TMEM44: variants seen among roughly 807,000 people sequenced by gnomAD.
TMEM44 encodes transmembrane protein 44.
Under a neutral mutation model 47.8 loss-of-function variants are expected in TMEM44, and 43 were observed. The ratio of observed to expected loss-of-function variants is 0.90; its 90% CI spans 0.70 to 1.16. The LOEUF is 1.16. Ranked by LOEUF, TMEM44 falls within the 50% of genes most tolerant of loss-of-function variation. TMEM44 has a pLI of 0.00. For synonymous variants in TMEM44, 277 were observed against 238.8 expected, an observed-to-expected ratio of 1.16 and a Z score of -1.48; for missense variants, 568 against 555.2, an observed-to-expected ratio of 1.02 and a Z score of -0.23.
At chr3:194,603,990 A>G (rs1046425763) in intron 9 of TMEM44, among the ~76,000 whole-genome samples, 1 of 151,876 alleles carries the variant, frequency 6.6e-6, no homozygotes, top group Non-Finnish European at 1.5e-5. Flanking sequence ...GGTAGCTGGG[A>G]TAACAGGTGG....
At chr3:194,601,866 A>C (rs898797270) in intron 9 of TMEM44, among the ~76,000 whole-genome samples, 2 of 152,194 alleles carry the variant, frequency 1.3e-5, no homozygotes, top group African/African-American at 4.8e-5. Flanking sequence ...CAGATTTCTG[A>C]ATTTTTCAAG....
intron 8 of TMEM44, among the ~76,000 whole-genome samples, chr3:194,606,737 T>C (rs789853): frequency 0.93 from 141,783 of 152,114 alleles, 66,144 homozygotes; most frequent in East Asian, 0.99. Flanking sequence ...GTCAGGAGTT[T>C]GAGAACAGCC....
intron 9 of TMEM44, among the ~76,000 whole-genome samples, chr3:194,602,035 TC>T (rs1320322028): frequency 6.6e-6 from 1 of 152,160 alleles, no homozygotes; most frequent in African/African-American, 2.4e-5. Flanking sequence ...CTCACTCCGG[TC>T]CCCTTTAGCC....
intron 3 of TMEM44, 134 bp from the exon 4 acceptor site, chr3:194,623,829 C>T: frequency 8.7e-7 from 1 of 1,153,610 alleles, no homozygotes; most frequent in Non-Finnish European, 1.2e-6. Context: ...TGCAGGCCAG[C>T]TCCTCCCCAC....
At chr3:194,595,928 G>A (rs1175478021) in intron 9 of TMEM44, among the ~76,000 whole-genome samples, 1 of 151,974 alleles carries the variant, frequency 6.6e-6, no homozygotes, top group Non-Finnish European at 1.5e-5. Flanking sequence ...CCCGGCTGAT[G>A]GTCTGTATTT....
At chr3:194,615,508 C>T in intron 7 of TMEM44, 61 bp downstream of exon 7, 2 of 1,588,948 alleles carry the variant, frequency 1.3e-6, no homozygotes, top group Middle Eastern at 2.0e-4. Flanking sequence ...TGCTGTTTCT[C>T]AAGATACTGT....
chr3:194,626,441 G>A (rs1717188542), intron 2 of TMEM44, among the ~76,000 whole-genome samples: 1 of 152,204 alleles, frequency 6.6e-6, no homozygotes. Flanking sequence ...CTATGGGAAA[G>A]CAAACTACCT....
chr3:194,591,413 G>C (rs1712693638), intron 9 of TMEM44, among the ~76,000 whole-genome samples: 1 of 152,124 alleles, frequency 6.6e-6, no homozygotes, highest in Admixed American at 6.5e-5. Context: ...AGAATCGTTT[G>C]AACCCCGGAG....
intron 9 of TMEM44, among the ~76,000 whole-genome samples, chr3:194,594,101 A>G (rs1200615515): frequency 1.4e-5 from 2 of 146,694 alleles, no homozygotes; most frequent in African/African-American, 5.0e-5. Context: ...CATGAGCCAC[A>G]GCACCTGGCC....
At chr3:194,632,886 C>G (rs1231472571) in intron 1 of TMEM44, 193 bp downstream of exon 1, 2 of 999,654 alleles carry the variant, frequency 2.0e-6, no homozygotes, top group East Asian at 6.7e-5. Context: ...GCTCACAGCC[C>G]AGCTTCCCTG....
chr3:194,614,802 G>T (rs1715700919), intron 7 of TMEM44, among the ~76,000 whole-genome samples: 1 of 152,246 alleles, frequency 6.6e-6, no homozygotes, highest in African/African-American at 2.4e-5. Flanking sequence ...AAGTGGGCAT[G>T]CGACTATTCC....
chr3:194,628,281 G>A, intron 2 of TMEM44, 102 bp downstream of exon 2: 1 of 1,458,932 alleles, frequency 6.9e-7, no homozygotes, highest in Non-Finnish European at 9.2e-7. Flanking sequence ...TGCTATGCAT[G>A]TTGCAGCAAC....
chr3:194,615,613 G>A lies in TMEM44; in HGVS notation c.868C>T (p.Gln290Ter). 6.2e-7 allele frequency: 1 copy of A among 1,614,186 alleles called. No individual in the cohort carries two copies. Among genetic ancestry groups the A allele is most frequent in the African/African-American group, 1.3e-5 (1 of 75,054 alleles). ...TTCTCTGCACAGGTCAAAAGGGCTT[G>A]GGTGTCAGGGCTCTCTCTGGCTTCC... ...AKEARESPDTQALLTCAEKEE... is the reference protein window; with the variant it reads ...AKEARESPDT The change falls in exon 7 of 10, where the codon CAA becomes TAA. Residue 290 changes from glutamine (Q) to a stop codon, truncating the protein, a stop_gained. Transcript: ENST00000347147. LOFTEE classifies it high-confidence loss of function.
chr3:194,623,216 G>A lies in TMEM44; in HGVS notation c.612+8C>T, dbSNP rs187769929. On this transcript the variant is annotated splice_region_variant and intron_variant, in intron 5 of 9. Coordinates refer to ENST00000347147, the MANE Select transcript of TMEM44 (RefSeq NM_001011655.3). ...GACCCACAGTCCCATCCCCACCCCC[G>A]GCCTCACAATTCTGGAGAGAGGGGG... 501 of 1,601,792 alleles carry A rather than the reference G, an allele frequency of 3.1e-4. 7 individuals are homozygous for A. In the East Asian group the frequency reaches 6.0e-3, roughly 19 times the overall value.
chr3:194,629,938 C>T, intron 1 of TMEM44, among the ~76,000 whole-genome samples: 4 of 67,208 alleles, frequency 6.0e-5, no homozygotes, highest in African/African-American at 6.0e-5. Flanking sequence ...GTCGTACTGC[C>T]TCCCGAAGGG....
chr3:194,599,654 G>C (rs1388532911), intron 9 of TMEM44, among the ~76,000 whole-genome samples: 1 of 142,024 alleles, frequency 7.0e-6, no homozygotes, highest in Non-Finnish European at 1.5e-5. Flanking sequence ...GCTTGATCTT[G>C]ACTCACTGCA....
intron 9 of TMEM44, among the ~76,000 whole-genome samples, chr3:194,594,157 A>ATCTATCTATCTGTCTG (rs1354673353): frequency 2.1e-5 from 2 of 96,826 alleles, no homozygotes; most frequent in Non-Finnish European, 4.6e-5. Context: ...CTATCTATCT[A>ATCTATCTATCTGTCTG]TCTATCTATA....
At chr3:194,593,933 C>A (rs1324101387) in intron 9 of TMEM44, among the ~76,000 whole-genome samples, 1 of 152,140 alleles carries the variant, frequency 6.6e-6, no homozygotes, top group Non-Finnish European at 1.5e-5. Flanking sequence ...GCCTCAGACT[C>A]CTGAGTAGCT....
At position 194,606,575 on chromosome 3, in the gene TMEM44, T is replaced by A. The variant is rs545208387; in HGVS notation, c.1018-2130A>T. Among the ~76,000 whole-genome samples, 618 of 152,290 alleles carry A rather than the reference T, an allele frequency of 4.1e-3. 1 individual carries two copies. The highest frequency in any genetic ancestry group is 6.9e-3 in the Non-Finnish European group (471 of 68,032). On this transcript the variant is annotated intron_variant, in intron 8 of 9. Coordinates refer to ENST00000347147, the MANE Select transcript of TMEM44 (RefSeq NM_001011655.3). Reference sequence around the variant, plus strand: ...TTCTGTGATTTTTCTAACTGTAGGATCTTGGGCAAGTTACTTAACCTCTCT... The same window carrying A: ...TTCTGTGATTTTTCTAACTGTAGGAACTTGGGCAAGTTACTTAACCTCTCT...
Sources: allele counts gnomAD v4.1 joint callset (sites outside exome capture counted in the v4.1 genomes callset), GRCh38; gene constraint gnomAD v4.1.1; transcripts MANE v1.5; gene names NCBI Gene and HGNC (gene_info 2026-07-23, HGNC 2026-07-21).